The following ZBTB44 variants were observed in gnomAD, a reference collection of about 807,000 sequenced individuals.
The protein encoded by ZBTB44 is zinc finger and BTB domain containing 44.
Under a neutral mutation model 54.0 loss-of-function variants are expected in ZBTB44, and 15 were observed. The ratio of observed to expected loss-of-function variants is 0.28; its 90% CI spans 0.19 to 0.43. ZBTB44 has a LOEUF of 0.43. Among genes scored for constraint, ZBTB44 ranks in the 20% least tolerant of loss-of-function variants. ZBTB44 has a pLI of 1.00. For synonymous variants in ZBTB44, 230 were observed against 250.1 expected (o/e 0.92, Z 0.76); for missense variants, 487 against 707.1 (o/e 0.69, Z 3.53).
At chr11:130,282,255 G>C (rs2134280022) in intron 1 of ZBTB44, among the ~76,000 whole-genome samples, 1 of 152,252 alleles carries the variant, frequency 6.6e-6, no homozygotes, top group South Asian at 2.1e-4. Flanking sequence ...CTGGAGCTTT[G>C]TCATCATCCC....
Position 130,230,849 on chromosome 11 carries a change from C to T in ZBTB44, c.*915G>A, listed in dbSNP as rs541329337. The T allele has an allele frequency of 6.6e-6, 1 of 152,222 alleles. No homozygotes were observed. The highest frequency in any genetic ancestry group is 2.1e-4 in the South Asian group (1 of 4,828). The allele number at this position is 152,222 out of a possible 1,614,324, so 9.4% of individuals were successfully genotyped here. On this transcript the variant is annotated 3_prime_UTR_variant, in exon 8 of 8. Transcript: ENST00000357899. ...AAAAGAACAACTGCAGGAGCTTTAACATCCATTATCATGGGTGAACATCTT... is the reference window on the plus strand; with the variant it reads ...AAAAGAACAACTGCAGGAGCTTTAATATCCATTATCATGGGTGAACATCTT...
intron 1 of ZBTB44, among the ~76,000 whole-genome samples, chr11:130,263,780 G>C (rs1939050411): frequency 6.6e-6 from 1 of 152,128 alleles, no homozygotes. Flanking sequence ...AAGGATTTTT[G>C]CTGAGAGTAA....
chr11:130,304,401 T>C (rs1942156798), intron 1 of ZBTB44, among the ~76,000 whole-genome samples: 2 of 152,116 alleles, frequency 1.3e-5, no homozygotes, highest in Admixed American at 1.3e-4. Flanking sequence ...TAAAAAATCA[T>C]ATTGGAAGGA....
chr11:130,280,641 A>C (rs1167461891), intron 1 of ZBTB44, among the ~76,000 whole-genome samples: 2 of 152,216 alleles, frequency 1.3e-5, no homozygotes, highest in Admixed American at 6.5e-5. Context: ...CAGTCTTTCT[A>C]ATGTATGTTC....
At chr11:130,273,027 C>G (rs1433236577) in intron 1 of ZBTB44, among the ~76,000 whole-genome samples, 1 of 152,114 alleles carries the variant, frequency 6.6e-6, no homozygotes, top group Non-Finnish European at 1.5e-5. Flanking sequence ...TTTGGCTATT[C>G]TGGGTCCCCT....
Position 130,245,493 on chromosome 11 carries a change from C to T in ZBTB44, c.1019-5597G>A, listed in dbSNP as rs146453733. On this transcript the variant is annotated intron_variant, in intron 2 of 7. Transcript: ENST00000357899. ...CCCATGGACATCAAGACCTATTTGA[C>T]GGTGCTCTGAACTTATTCAGAGCAC... Among the ~76,000 whole-genome samples, 1,185 of 152,304 alleles carry T rather than the reference C, an allele frequency of 7.8e-3. 8 individuals are homozygous for T. The highest frequency in any genetic ancestry group is 0.018 in the African/African-American group (765 of 41,570).
At position 130,268,546 on chromosome 11, in the gene ZBTB44, A is replaced by C. The variant is rs557849011; in HGVS notation, c.-56-6617T>G. ...AAGGTGGGAAGAGCCCTTGACTCCA[A>C]CCTGGGCAACACAGCAAGACCCTGT... On this transcript the variant is annotated intron_variant, in intron 1 of 7. Transcript: ENST00000357899. 1.6e-3 allele frequency among the ~76,000 whole-genome samples: 241 copies of C among 152,090 alleles called. 5 individuals are homozygous for C. The South Asian group carries it at 0.035, about 22-fold the overall frequency.
At chr11:130,288,479 G>T (rs1592040776) in intron 1 of ZBTB44, among the ~76,000 whole-genome samples, 1 of 152,092 alleles carries the variant, frequency 6.6e-6, no homozygotes, top group Admixed American at 6.6e-5. Flanking sequence ...AAGAAAAATG[G>T]CAAGTAGTGT....
chr11:130,285,304 T>C (rs1295873296), intron 1 of ZBTB44: 3 of 151,058 alleles, frequency 2.0e-5, no homozygotes, highest in Non-Finnish European at 4.4e-5. Context: ...TTTTTTTTTT[T>C]TTTTGAGATA....
chr11:130,236,995 G>C lies in ZBTB44; in HGVS notation c.1366C>G (p.Arg456Gly). 1 of 1,611,966 alleles carries C rather than the reference G, an allele frequency of 6.2e-7. No individual in the cohort carries two copies. Residue 456 changes from arginine (R) to glycine (G), a missense_variant, in exon 5 of 8, where the codon CGG becomes GGG. By Grantham distance (125) the Arg-to-Gly change is moderately radical. Coordinates refer to ENST00000357899, the MANE Select transcript of ZBTB44 (RefSeq NM_001301098.2). ...AAAGTGGCACTACATATCTGGCACCGGAAACAGCGTTTACCTTCATGCTTT... is the reference window on the plus strand; with the variant it reads ...AAAGTGGCACTACATATCTGGCACCCGAAACAGCGTTTACCTTCATGCTTT... ...RLKHEGKRCF[R>G]CQICSATFTS...
At chr11:130,278,677 A>G (rs1940283271) in intron 1 of ZBTB44, among the ~76,000 whole-genome samples, 1 of 152,142 alleles carries the variant, frequency 6.6e-6, no homozygotes, top group Non-Finnish European at 1.5e-5. Context: ...CTATGTTCGA[A>G]TTCACTAAAC....
intron 2 of ZBTB44, among the ~76,000 whole-genome samples, chr11:130,245,839 G>C (rs78086530): frequency 2.6e-5 from 4 of 152,174 alleles, no homozygotes; most frequent in African/African-American, 9.7e-5. Context: ...GTCTGGGACC[G>C]ATTCTAGTAC....
rs150933275 is a variant in ZBTB44 at position 130,257,662 on chromosome 11, CCATT to C, written c.1018+3190_1018+3193del. Among the ~76,000 whole-genome samples, 1,319 of 152,138 alleles carry C rather than the reference CCATT, an allele frequency of 8.7e-3. 9 individuals carry two copies. Among genetic ancestry groups the C allele is most frequent in the African/African-American group, 0.022 (894 of 41,534 alleles). On this transcript the variant is annotated intron_variant, in intron 2 of 7. Coordinates refer to ENST00000357899, the MANE Select transcript of ZBTB44 (RefSeq NM_001301098.2). ...TATGAGAGAATAAATTTTTTTTAAA[CCATT>C]CAGTTTGCGGTACTTTGTTGCAGCA...
chr11:130,298,935 T>C (rs1488915942), intron 1 of ZBTB44, among the ~76,000 whole-genome samples: 3 of 151,868 alleles, frequency 2.0e-5, no homozygotes, highest in African/African-American at 7.3e-5. Context: ...ATACAAAAAT[T>C]AGCCACACAT....
At chr11:130,240,384 A>C (rs1227536719) in intron 2 of ZBTB44, among the ~76,000 whole-genome samples, 1 of 152,210 alleles carries the variant, frequency 6.6e-6, no homozygotes, top group Non-Finnish European at 1.5e-5. Flanking sequence ...GAAAAACCAC[A>C]TGTAAGATAA....
intron 2 of ZBTB44, among the ~76,000 whole-genome samples, chr11:130,249,797 T>G (rs112774176): frequency 0.013 from 1,969 of 152,286 alleles, 47 homozygotes; most frequent in African/African-American, 0.045. Flanking sequence ...GCTACATCAC[T>G]AGGGCCCCGG....
intron 1 of ZBTB44, among the ~76,000 whole-genome samples, chr11:130,283,243 G>A (rs1226787703): frequency 6.6e-6 from 1 of 151,588 alleles, no homozygotes; most frequent in Non-Finnish European, 1.5e-5. Flanking sequence ...AGGCGGTTTT[G>A]CCATGTTGGC....
intron 2 of ZBTB44, among the ~76,000 whole-genome samples, chr11:130,256,625 A>T (rs1046397595): frequency 6.7e-6 from 1 of 148,432 alleles, no homozygotes; most frequent in African/African-American, 2.6e-5. Flanking sequence ...ACTGCACTCC[A>T]GCCTGGTGAC....
chr11:130,275,545 T>C (rs982962577), intron 1 of ZBTB44, among the ~76,000 whole-genome samples: 6 of 149,906 alleles, frequency 4.0e-5, no homozygotes, highest in African/African-American at 1.0e-4. Flanking sequence ...TAGGAATGCA[T>C]TGTTTAATTA....
Sources: gnomAD v4.1 joint callset for allele counts (sites outside exome capture counted in the v4.1 genomes callset) on GRCh38, gnomAD v4.1.1 for gene constraint, MANE v1.5 for transcripts, NCBI Gene and HGNC (gene_info 2026-07-23, HGNC 2026-07-21) for gene names.